The following AGMO variants were observed in gnomAD, a reference collection of about 807,000 sequenced individuals.
AGMO encodes the protein alkylglycerol monooxygenase.
Under a neutral mutation model 60.2 loss-of-function variants are expected in AGMO, and 75 were observed. The observed-to-expected ratio is 1.25, with a 90% CI of 1.03 to 1.51. The LOEUF is 1.51. Ranked by LOEUF, AGMO falls within the 40% of genes most tolerant of loss-of-function variation. The pLI, the probability that AGMO is intolerant of heterozygous loss-of-function variation, is 0.00. For synonymous variants in AGMO, 261 were observed against 177.1 expected (o/e 1.47, Z -3.76); for missense variants, 763 against 525.5 (o/e 1.45, Z -4.42).
chr7:15,242,212 A>T (rs1221793180), intron 12 of AGMO, among the ~76,000 whole-genome samples: 1 of 152,110 alleles, frequency 6.6e-6, no homozygotes, highest in Non-Finnish European at 1.5e-5. Flanking sequence ...CACAAATCTA[A>T]GTTTAGGGCA....
At chr7:15,359,218 G>A (rs923266293) in intron 12 of AGMO, among the ~76,000 whole-genome samples, 1 of 151,158 alleles carries the variant, frequency 6.6e-6, no homozygotes, top group Admixed American at 6.6e-5. Flanking sequence ...GAACCCAGGA[G>A]GTGGAGCTTG....
chr7:15,457,050 A>G (rs560292931), intron 3 of AGMO, among the ~76,000 whole-genome samples: 61 of 152,318 alleles, frequency 4.0e-4, no homozygotes, highest in African/African-American at 1.4e-3. Flanking sequence ...ATAATAATAT[A>G]TGAGGTTATC....
chr7:15,147,806 T>C, the AGMO span, among the ~76,000 whole-genome samples: 53 of 152,214 alleles, frequency 3.5e-4, no homozygotes, highest in African/African-American at 1.2e-3. Context: ...ACACAGACTG[T>C]AAAAGGCAAG....
chr7:15,139,879 G>C, the AGMO span, among the ~76,000 whole-genome samples: 1 of 147,840 alleles, frequency 6.8e-6, no homozygotes, highest in South Asian at 2.1e-4. Flanking sequence ...TCACTTTCCT[G>C]CCATTAGTCA....
At chr7:15,496,342 A>G (rs1783231886) in intron 3 of AGMO, among the ~76,000 whole-genome samples, 1 of 152,172 alleles carries the variant, frequency 6.6e-6, no homozygotes, top group Non-Finnish European at 1.5e-5. Context: ...CTGAGAGTAA[A>G]TCAATGTTAT....
intron 2 of AGMO, among the ~76,000 whole-genome samples, chr7:15,547,512 A>C (rs527975050): frequency 1.7e-4 from 26 of 152,268 alleles, no homozygotes; most frequent in African/African-American, 6.3e-4. Flanking sequence ...CGGGAAGCGC[A>C]AGGGGTCAGG....
chr7:15,252,378 C>A (rs897349333), intron 12 of AGMO, among the ~76,000 whole-genome samples: 6 of 152,192 alleles, frequency 3.9e-5, no homozygotes, highest in African/African-American at 1.4e-4. Flanking sequence ...GAGCCCATGA[C>A]TTGTTTATAA....
intron 3 of AGMO, among the ~76,000 whole-genome samples, chr7:15,540,064 G>A (rs1047534883): frequency 6.6e-6 from 1 of 152,142 alleles, no homozygotes; most frequent in African/African-American, 2.4e-5. Flanking sequence ...AACTACTAAA[G>A]AGGTAAGGAG....
intron 12 of AGMO, among the ~76,000 whole-genome samples, chr7:15,222,974 C>T (rs12674087): frequency 0.11 from 16,914 of 151,778 alleles, 1,047 homozygotes; most frequent in East Asian, 0.2. Context: ...ATATGCCCTA[C>T]TGATTTGTGA....
chr7:15,514,308 A>C (rs1462417366), intron 3 of AGMO, among the ~76,000 whole-genome samples: 1 of 152,208 alleles, frequency 6.6e-6, no homozygotes, highest in African/African-American at 2.4e-5. Context: ...TTAATCACTT[A>C]GCACTAATTC....
intron 12 of AGMO, among the ~76,000 whole-genome samples, chr7:15,317,502 T>C (rs1196757231): frequency 6.6e-6 from 1 of 152,122 alleles, no homozygotes; most frequent in Non-Finnish European, 1.5e-5. Context: ...CTCACGTTGT[T>C]GGGTATAATA....
chr7:15,348,060 G>A lies in AGMO; in HGVS notation c.1263+17454C>T, dbSNP rs529330644. Among the ~76,000 whole-genome samples, 8 of 152,112 alleles carry A rather than the reference G, an allele frequency of 5.3e-5. 2 individuals are homozygous for A. In the South Asian group the frequency reaches 1.2e-3, roughly 24 times the overall value. ...TTTTTGTGACTTTTGATCTTCCAGG[G>A]TAACTTGGATGTTTATCATGTTATT... On this transcript the variant is annotated intron_variant, in intron 12 of 12. Coordinates refer to ENST00000342526, the MANE Select transcript of AGMO (RefSeq NM_001004320.2).
At chr7:15,445,731 T>G (rs1166414619) in intron 3 of AGMO, among the ~76,000 whole-genome samples, 1 of 152,114 alleles carries the variant, frequency 6.6e-6, no homozygotes, top group Non-Finnish European at 1.5e-5. Flanking sequence ...CATTTTTAAG[T>G]TCCCAAATAG....
chr7:15,433,525 ATT>A (rs1376425383), intron 3 of AGMO, among the ~76,000 whole-genome samples: 4 of 152,142 alleles, frequency 2.6e-5, no homozygotes, highest in African/African-American at 9.6e-5. Flanking sequence ...ATGAAAATGC[ATT>A]TTATGGAAAG....
At chr7:15,121,504 G>C in the AGMO span, among the ~76,000 whole-genome samples, 1 of 152,064 alleles carries the variant, frequency 6.6e-6, no homozygotes, top group East Asian at 1.9e-4. Context: ...ACTTTTTAAT[G>C]AACACCCTTC....
intron 12 of AGMO, among the ~76,000 whole-genome samples, chr7:15,308,036 C>T (rs1244651113): frequency 1.3e-5 from 2 of 152,074 alleles, no homozygotes; most frequent in Non-Finnish European, 1.5e-5. Context: ...TTCAATACCT[C>T]CAGGCTTGCT....
chr7:15,388,748 A>G (rs1287655389), intron 8 of AGMO, among the ~76,000 whole-genome samples: 1 of 152,178 alleles, frequency 6.6e-6, no homozygotes, highest in Non-Finnish European at 1.5e-5. Flanking sequence ...ATAGGTGAGA[A>G]ATTTACCTGT....
intron 2 of AGMO, among the ~76,000 whole-genome samples, chr7:15,548,101 C>G (rs538446263): frequency 0.012 from 1,852 of 150,900 alleles, 33 homozygotes; most frequent in African/African-American, 0.037. Context: ...CTGCAGCTGA[C>G]GGTCATGTCT....
At chr7:15,233,550 G>GTTTT (rs113478897) in intron 12 of AGMO, among the ~76,000 whole-genome samples, 3 of 148,578 alleles carry the variant, frequency 2.0e-5, no homozygotes, top group African/African-American at 7.4e-5. Context: ...ACAGAGAGTT[G>GTTTT]TTTTTTTTTT....
Sources: gnomAD v4.1 joint callset for allele counts (sites outside exome capture counted in the v4.1 genomes callset) on GRCh38, gnomAD v4.1.1 for gene constraint, MANE v1.5 for transcripts, NCBI Gene and HGNC (gene_info 2026-07-23, HGNC 2026-07-21) for gene names.